The following CFAP54 variants were observed in gnomAD, a reference collection of about 807,000 sequenced individuals.
CFAP54 encodes the protein cilia- and flagella-associated protein 54.
A neutral mutation model predicts 370.4 loss-of-function variants in CFAP54; 290 were observed. The observed-to-expected ratio is 0.78, with a 90% CI of 0.71 to 0.86. The LOEUF (loss-of-function observed/expected upper bound fraction) is 0.86, where lower values mean the gene tolerates loss of function less well. Among genes scored for constraint, CFAP54 ranks in the 40% least tolerant of loss-of-function variants. The probability of loss-of-function intolerance (pLI) is 0.00; values close to 1 mark genes in which losing one functional copy is unlikely to be tolerated. For synonymous variants in CFAP54, 1,206 were observed against 1,236.5 expected (o/e 0.98, Z 0.52); for missense variants, 3,399 against 3,528.7 (o/e 0.96, Z 0.93).
chr12:96,564,361 T>C (rs1955844000), intron 17 of CFAP54, 107 bp from the exon 18 acceptor site: 2 of 507,986 alleles, frequency 3.9e-6, no homozygotes, highest in South Asian at 3.6e-5. Context: ...AAAAATGACA[T>C]GACAGAGGAA....
rs1044378287 is a variant in CFAP54 at position 96,625,698 on chromosome 12, T to A, written c.3887-20T>A. ...GCGTTACTAAACAGAACATACAACTTTTGAATTTTTTAACCTTAGATGTTA... is the reference window on the plus strand; with the variant it reads ...GCGTTACTAAACAGAACATACAACTATTGAATTTTTTAACCTTAGATGTTA... On this transcript the variant is annotated intron_variant, in intron 28 of 67. Transcript: ENST00000524981. The A allele has an allele frequency of 6.7e-7, 1 of 1,497,546 alleles. No homozygotes were observed. The highest frequency in any genetic ancestry group is 8.9e-7 in the Non-Finnish European group (1 of 1,117,758). 92.8% of individuals were successfully genotyped at this position (1,497,546 alleles called of 1,614,324 possible). A position where few individuals can be genotyped will look rare whatever the true frequency, so the allele number is the denominator to read the frequency against.
intron 65 of CFAP54, among the ~76,000 whole-genome samples, chr12:96,826,888 TTA>T (rs1398800278): frequency 8.1e-6 from 1 of 123,628 alleles, no homozygotes; most frequent in Non-Finnish European, 1.6e-5. Flanking sequence ...TTATATAATA[TTA>T]TATGATATAT....
chr12:96,729,300 C>A (rs7295462), intron 50 of CFAP54, among the ~76,000 whole-genome samples: 54,462 of 151,758 alleles, frequency 0.36, 10,634 homozygotes, highest in East Asian at 0.68. Context: ...CTACAGAGGC[C>A]GGCAGGCCTC....
At chr12:96,637,698 T>G (rs1031875499) in intron 32 of CFAP54, among the ~76,000 whole-genome samples, 3 of 152,198 alleles carry the variant, frequency 2.0e-5, no homozygotes, top group African/African-American at 7.2e-5. Context: ...TTTTGAAAAG[T>G]TAACCAAAAA....
chr12:96,642,284 A>G (rs920677112), intron 32 of CFAP54, among the ~76,000 whole-genome samples: 1 of 152,108 alleles, frequency 6.6e-6, no homozygotes, highest in Non-Finnish European at 1.5e-5. Context: ...CACACCTTGT[A>G]CAGCCCTCGA....
chr12:96,543,652 C>T (rs1454562266), intron 14 of CFAP54, among the ~76,000 whole-genome samples: 2 of 151,998 alleles, frequency 1.3e-5, no homozygotes, highest in East Asian at 1.9e-4. Context: ...ATGATGTTTT[C>T]GTTTTCTAGG....
intron 58 of CFAP54, among the ~76,000 whole-genome samples, chr12:96,758,425 A>G (rs1958291262): frequency 6.6e-6 from 1 of 152,172 alleles, no homozygotes; most frequent in Non-Finnish European, 1.5e-5. Context: ...TTCCCCTTAT[A>G]AAACCATCAG....
intron 65 of CFAP54, among the ~76,000 whole-genome samples, chr12:96,821,159 A>G (rs1959027754): frequency 6.6e-6 from 1 of 152,150 alleles, no homozygotes; most frequent in South Asian, 2.1e-4. Context: ...AGATGGAGAG[A>G]TGGGCTCTTT....
At chr12:96,786,200 CTTTTTTT>C (rs35563047) in intron 61 of CFAP54, among the ~76,000 whole-genome samples, 2 of 137,700 alleles carry the variant, frequency 1.5e-5, no homozygotes, top group Admixed American at 1.5e-4. Context: ...TTTTTTTAAT[CTTTTTTT>C]TTTTTTTTTG....
chr12:96,586,690 G>A (rs1956078633), intron 22 of CFAP54, among the ~76,000 whole-genome samples: 1 of 152,160 alleles, frequency 6.6e-6, no homozygotes, highest in Non-Finnish European at 1.5e-5. Context: ...AAAGAGCTAA[G>A]GTGTGAGTGG....
At chr12:96,815,793 T>TA (rs1958968796) in intron 64 of CFAP54, among the ~76,000 whole-genome samples, 1 of 152,236 alleles carries the variant, frequency 6.6e-6, no homozygotes, top group African/African-American at 2.4e-5. Context: ...TAGCCAGTTT[T>TA]CCCAATACCA....
intron 66 of CFAP54, among the ~76,000 whole-genome samples, chr12:96,844,596 C>T (rs1006704417): frequency 2.6e-5 from 4 of 152,132 alleles, no homozygotes; most frequent in Admixed American, 1.3e-4. Context: ...GAAATGAATA[C>T]ATAAGTACAT....
chr12:96,583,016 A>G (rs1174537781), intron 22 of CFAP54, among the ~76,000 whole-genome samples: 1 of 152,162 alleles, frequency 6.6e-6, no homozygotes, highest in Non-Finnish European at 1.5e-5. Flanking sequence ...TTTAAAACAT[A>G]TTATTATAAA....
chr12:96,602,626 G>A (rs1249834988), intron 26 of CFAP54, among the ~76,000 whole-genome samples: 3 of 152,186 alleles, frequency 2.0e-5, no homozygotes, highest in Non-Finnish European at 4.4e-5. Context: ...CTTGCTTTAT[G>A]AATCTGGGTG....
intron 63 of CFAP54, among the ~76,000 whole-genome samples, chr12:96,806,192 ATATATATATATATATATATATAAT>A (rs1958877575): frequency 4.5e-5 from 4 of 89,422 alleles, no homozygotes; most frequent in African/African-American, 8.3e-5. Flanking sequence ...ATATATATAT[ATATATATATATATATATATATAAT>A]AACAACATAA....
chr12:96,796,842 A>G (rs1958768305), intron 63 of CFAP54, among the ~76,000 whole-genome samples: 1 of 151,838 alleles, frequency 6.6e-6, no homozygotes, highest in Non-Finnish European at 1.5e-5. Flanking sequence ...TGAAGTTTTT[A>G]GTTAGTTTTG....
At chr12:96,718,393 A>G in intron 48 of CFAP54, 50 bp from the exon 49 acceptor site, 4 of 890,352 alleles carry the variant, frequency 4.5e-6, no homozygotes, top group Non-Finnish European at 7.5e-6. Flanking sequence ...ATTAATATTT[A>G]AACTAACCAT....
intron 55 of CFAP54, among the ~76,000 whole-genome samples, chr12:96,745,427 C>G (rs1388779360): frequency 1.3e-5 from 2 of 152,146 alleles, no homozygotes; most frequent in Admixed American, 6.5e-5. Context: ...TTGGATTTCT[C>G]TAATGATCAG....
intron 50 of CFAP54, among the ~76,000 whole-genome samples, chr12:96,738,768 G>A (rs973596721): frequency 1.3e-5 from 2 of 151,892 alleles, no homozygotes; most frequent in African/African-American, 4.8e-5. Flanking sequence ...GTGCCACCAC[G>A]CCTGGCTAAA....
Sources: allele counts gnomAD v4.1 joint callset (sites outside exome capture counted in the v4.1 genomes callset), GRCh38; gene constraint gnomAD v4.1.1; transcripts MANE v1.5; gene names NCBI Gene and HGNC (gene_info 2026-07-23, HGNC 2026-07-21).